Variants in MPP7 observed in about 807,000 individuals in gnomAD.
The protein encoded by MPP7 is MAGUK p55 scaffold protein 7.
Under a neutral mutation model 76.5 loss-of-function variants are expected in MPP7, and 60 were observed. That is an observed-to-expected ratio of 0.78 (90% CI 0.64 to 0.97). MPP7 has a LOEUF of 0.97. Ranked by LOEUF, MPP7 falls within the 50% of genes least tolerant of loss-of-function variation. MPP7 has a pLI of 0.00. For synonymous variants in MPP7, 237 were observed against 244.5 expected (o/e 0.97, Z 0.29); for missense variants, 641 against 694.0 (o/e 0.92, Z 0.86).
chr10:28,212,000 C>T (rs1270515731), intron 2 of MPP7, among the ~76,000 whole-genome samples: 1 of 152,016 alleles, frequency 6.6e-6, no homozygotes, highest in Non-Finnish European at 1.5e-5. Context: ...ATAATCCCAG[C>T]ACTATGGGAG....
chr10:28,314,231 G>A (rs1318467538), intron 2 of MPP7, among the ~76,000 whole-genome samples: 2 of 152,144 alleles, frequency 1.3e-5, no homozygotes, highest in Non-Finnish European at 2.9e-5. Context: ...GTTCTGGATT[G>A]GTGGGAAAGA....
At chr10:28,179,196 C>A (rs1836978438) in intron 3 of MPP7, among the ~76,000 whole-genome samples, 1 of 152,168 alleles carries the variant, frequency 6.6e-6, no homozygotes, top group Non-Finnish European at 1.5e-5. Flanking sequence ...CTGGTTAATT[C>A]TTCAGCAACT....
intron 3 of MPP7, among the ~76,000 whole-genome samples, chr10:28,199,221 A>G (rs2801840): frequency 0.49 from 74,007 of 151,916 alleles, 20,032 homozygotes; most frequent in East Asian, 0.99. Context: ...CCCACAACAC[A>G]TATGAATTAA....
intron 13 of MPP7, 150 bp from the exon 14 acceptor site, chr10:28,059,893 C>A: frequency 1.6e-6 from 1 of 625,158 alleles, no homozygotes; most frequent in Non-Finnish European, 2.8e-6. Flanking sequence ...ATACAGTAAG[C>A]TGTTATAAAT....
chr10:28,058,422 ACTGAAATGCT>A (rs1851646349), intron 15 of MPP7, 63 bp downstream of exon 15: 6 of 709,830 alleles, frequency 8.5e-6, no homozygotes, highest in Middle Eastern at 2.6e-4. Context: ...ATTATTTCAT[ACTGAAATGCT>A]CACATGAGGT....
At position 28,089,785 on chromosome 10, in the gene MPP7, T is replaced by C; in HGVS notation, c.1009A>G (p.Met337Val). Reference protein sequence around the residue: ...SRKDKKTNKSMYECKKSDQYD... With the variant: ...SRKDKKTNKSVYECKKSDQYD... Reference sequence around the variant, plus strand: ...TGATCACTCTTCTTGCATTCATACATGGATTTATTTGTTTTCTTATCTTTT... The same window carrying C: ...TGATCACTCTTCTTGCATTCATACACGGATTTATTTGTTTTCTTATCTTTT... The change falls in exon 12 of 17, where the codon ATG becomes GTG. Residue 337 changes from methionine (M) to valine (V), a missense_variant. Met to Val is a conservative substitution (Grantham distance 21, BLOSUM62 1). Coordinates refer to ENST00000683449, the MANE Select transcript of MPP7 (RefSeq NM_001318170.2). 6.2e-7 allele frequency: 1 copy of C among 1,600,832 alleles called. No homozygotes were observed. Among genetic ancestry groups the C allele is most frequent in the Non-Finnish European group, 8.6e-7 (1 of 1,168,930 alleles).
At chr10:28,122,264 T>C (rs1055203940) in intron 8 of MPP7, among the ~76,000 whole-genome samples, 20 of 152,172 alleles carry the variant, frequency 1.3e-4, no homozygotes, top group African/African-American at 4.8e-4. Context: ...AGGACTCAAT[T>C]GTTATTACTA....
At position 28,066,621 on chromosome 10, in the gene MPP7, T is replaced by C. The variant is rs577055854; in HGVS notation, c.1204+3151A>G. 2.6e-5 allele frequency among the ~76,000 whole-genome samples: 4 copies of C among 152,318 alleles called. No individual in the cohort carries two copies. The East Asian group carries it at 7.7e-4, about 29-fold the overall frequency. ...CACATAAAAGTGTTTAACACCCCCA[T>C]GTAGCCAGCACTCTAACAAGAAGCA... On this transcript the variant is annotated intron_variant, in intron 13 of 16. Transcript: ENST00000683449.
intron 3 of MPP7, among the ~76,000 whole-genome samples, chr10:28,166,321 A>C (rs761169693): frequency 2.6e-5 from 4 of 151,586 alleles, no homozygotes; most frequent in African/African-American, 4.8e-5. Context: ...TTTACATCTA[A>C]CCCTGTGTGC....
chr10:28,223,995 A>C lies in MPP7; in HGVS notation c.37+14573T>G, dbSNP rs1213712574. Among the ~76,000 whole-genome samples, 3 of 151,650 alleles carry C rather than the reference A, an allele frequency of 2.0e-5. No individual in the cohort carries two copies. The East Asian group carries it at 5.8e-4, about 29-fold the overall frequency. The stretch of plus-strand genomic sequence containing the variant: ...AGGATCACTTGAGGTCAGGAGTTCG[A>C]GACCAGCCTAGCCAACATGGTGAAA... On this transcript the variant is annotated intron_variant, in intron 2 of 16. Coordinates refer to ENST00000683449, the MANE Select transcript of MPP7 (RefSeq NM_001318170.2).
chr10:28,134,264 A>G (rs554451260), intron 5 of MPP7, among the ~76,000 whole-genome samples: 12 of 152,170 alleles, frequency 7.9e-5, no homozygotes, highest in Admixed American at 2.0e-4. Flanking sequence ...TTTTCTTAAA[A>G]TGAATGAGAA....
chr10:28,216,803 A>AAGTG (rs1838323920), intron 2 of MPP7, among the ~76,000 whole-genome samples: 1 of 152,170 alleles, frequency 6.6e-6, no homozygotes, highest in African/African-American at 2.4e-5. Context: ...TCTTGAAGTG[A>AAGTG]CAGCACAAAA....
intron 11 of MPP7, among the ~76,000 whole-genome samples, chr10:28,116,280 T>G (rs1301705968): frequency 6.6e-6 from 1 of 152,126 alleles, no homozygotes; most frequent in Non-Finnish European, 1.5e-5. Context: ...ACAAATGAAT[T>G]CCTATTTCTT....
At chr10:28,221,317 T>A (rs1838497641) in intron 2 of MPP7, among the ~76,000 whole-genome samples, 1 of 151,932 alleles carries the variant, frequency 6.6e-6, no homozygotes, top group Admixed American at 6.6e-5. Context: ...ACAGGTGACA[T>A]TTTTTTTAGC....
At chr10:28,298,723 G>A (rs1049196839) in intron 1 of MPP7, among the ~76,000 whole-genome samples, 6 of 152,248 alleles carry the variant, frequency 3.9e-5, no homozygotes, top group South Asian at 2.1e-4. Flanking sequence ...AGTCCGAGAC[G>A]GCATCTTCTT....
intron 12 of MPP7, among the ~76,000 whole-genome samples, chr10:28,084,819 T>G (rs1417650417): frequency 6.6e-6 from 1 of 151,972 alleles, no homozygotes; most frequent in Non-Finnish European, 1.5e-5. Context: ...ATTGAAAAAT[T>G]TTAAGGAGCA....
At chr10:28,082,761 G>A (rs932904169) in intron 12 of MPP7, among the ~76,000 whole-genome samples, 2 of 152,038 alleles carry the variant, frequency 1.3e-5, no homozygotes, top group African/African-American at 2.4e-5. Flanking sequence ...GAGTCACTGC[G>A]CTCAGTCTCT....
Position 28,127,585 on chromosome 10 carries a change from C to T in MPP7, c.448-2494G>A, listed in dbSNP as rs147240086. ...CAGAGAGCTTGTGCAGGGAAACTCC[C>T]GTTTTTAAAACCATCAGATCTCGTG... On this transcript the variant is annotated intron_variant, in intron 6 of 16. Transcript: ENST00000683449. 3.9e-5 allele frequency among the ~76,000 whole-genome samples: 6 copies of T among 152,216 alleles called. No homozygotes were observed. The East Asian group carries it at 1.2e-3, about 29-fold the overall frequency.
intron 1 of MPP7, among the ~76,000 whole-genome samples, chr10:28,251,477 AAAT>A (rs1839612179): frequency 6.6e-6 from 1 of 152,156 alleles, no homozygotes; most frequent in Non-Finnish European, 1.5e-5. Context: ...AAAATTAAAA[AAAT>A]AAAATAAAAT....
Sources: gnomAD v4.1 joint callset for allele counts (sites outside exome capture counted in the v4.1 genomes callset) on GRCh38, gnomAD v4.1.1 for gene constraint, MANE v1.5 for transcripts, NCBI Gene and HGNC (gene_info 2026-07-23, HGNC 2026-07-21) for gene names.